The following PAX5 variants were observed in gnomAD, a reference collection of about 807,000 sequenced individuals.
PAX5 encodes paired box protein Pax-5.
A neutral mutation model predicts 43.7 loss-of-function variants in PAX5; 9 were observed. The observed-to-expected ratio is 0.21, with a 90% CI of 0.12 to 0.36. PAX5 has a LOEUF of 0.36. Among genes scored for constraint, PAX5 ranks in the 10% least tolerant of loss-of-function variants. The pLI is 1.00. For missense variants in PAX5, 383 were observed against 532.7 expected (o/e 0.72, Z 2.77); for synonymous variants, 228 against 214.3 (o/e 1.06, Z -0.56).
intron 7 of PAX5, among the ~76,000 whole-genome samples, chr9:36,890,737 AC>A (rs1827308113): frequency 6.6e-6 from 1 of 152,208 alleles, no homozygotes; most frequent in South Asian, 2.1e-4. Context: ...ACTCTTGCCC[AC>A]AGCATCAGAC....
chr9:37,002,284 A>T (rs949670475), intron 5 of PAX5, among the ~76,000 whole-genome samples: 1 of 152,016 alleles, frequency 6.6e-6, no homozygotes, highest in Admixed American at 6.5e-5. Context: ...TCCTCCACAA[A>T]GTGGACTTGG....
At chr9:36,958,200 G>A (rs1056752282) in intron 6 of PAX5, among the ~76,000 whole-genome samples, 2 of 152,078 alleles carry the variant, frequency 1.3e-5, no homozygotes, top group Non-Finnish European at 1.5e-5. Flanking sequence ...ACAACCTACT[G>A]CAGGGCCTCT....
At chr9:36,860,445 A>C (rs1358292212) in intron 8 of PAX5, among the ~76,000 whole-genome samples, 2 of 152,138 alleles carry the variant, frequency 1.3e-5, no homozygotes, top group Non-Finnish European at 2.9e-5. Flanking sequence ...AGATGGTAAT[A>C]TTTGTCGAAA....
intron 6 of PAX5, among the ~76,000 whole-genome samples, chr9:36,966,237 C>A (rs1053239057): frequency 6.6e-6 from 1 of 152,150 alleles, no homozygotes; most frequent in African/African-American, 2.4e-5. Flanking sequence ...TTACGTGGCC[C>A]GAAAGATCAT....
intron 8 of PAX5, chr9:36,856,679 G>A (rs759640015): frequency 8.5e-5 from 13 of 152,090 alleles, no homozygotes; most frequent in Non-Finnish European, 1.3e-4. Context: ...CTGGGACTAC[G>A]GGTTCACGCC....
Position 36,990,975 on chromosome 9 carries a change from C to T in PAX5, c.604+11673G>A, listed in dbSNP as rs10973157. Among the ~76,000 whole-genome samples, 149 of 152,134 alleles carry T rather than the reference C, an allele frequency of 9.8e-4. No individual in the cohort carries two copies. In the East Asian group the frequency reaches 0.027, roughly 27 times the overall value. ...AAATACAAAAATTAACCAGGCATGG[C>T]GGTTCATGCCTGTAGCCCCAGCTAC... is the stretch of plus-strand genomic sequence containing the variant. On this transcript the variant is annotated intron_variant, in intron 5 of 9. Coordinates refer to ENST00000358127, the MANE Select transcript of PAX5 (RefSeq NM_016734.3).
intron 5 of PAX5, among the ~76,000 whole-genome samples, chr9:36,982,302 A>C (rs975774503): frequency 3.3e-5 from 5 of 152,138 alleles, no homozygotes; most frequent in Non-Finnish European, 2.9e-5. Flanking sequence ...AATAAAAAAT[A>C]AAAAGAACAA....
intron 8 of PAX5, among the ~76,000 whole-genome samples, chr9:36,866,191 G>A (rs573964074): frequency 4.6e-5 from 7 of 152,364 alleles, no homozygotes; most frequent in South Asian, 2.1e-4. Context: ...ACCAGGGAGC[G>A]TTCGAGGCAG....
chr9:36,884,704 A>G (rs929844991), intron 7 of PAX5, among the ~76,000 whole-genome samples: 3 of 152,246 alleles, frequency 2.0e-5, no homozygotes, highest in Admixed American at 6.5e-5. Flanking sequence ...CCAAGATTAT[A>G]ATCAGCTGGA....
intron 5 of PAX5, among the ~76,000 whole-genome samples, chr9:36,970,718 T>TGGACACGGGCATTGTTCTCC (rs1264960742): frequency 5.3e-5 from 8 of 152,168 alleles, no homozygotes; most frequent in African/African-American, 1.9e-4. Context: ...CCATCTCCCA[T>TGGACACGGGCATTGTTCTCC]GGACACGGGC....
chr9:36,998,448 C>T (rs1285851416), intron 5 of PAX5, among the ~76,000 whole-genome samples: 2 of 152,224 alleles, frequency 1.3e-5, no homozygotes, highest in Non-Finnish European at 2.9e-5. Flanking sequence ...GGTCCCTCCA[C>T]TCACCCTCGT....
chr9:36,923,347 G>A lies in PAX5; in HGVS notation c.910+8C>T. On this transcript the variant is annotated splice_region_variant and intron_variant, in intron 7 of 9. Transcript: ENST00000358127. ...CTCACTCATCCCCCATGCCCCAGGT[G>A]CCCTCACCTGTCACAATGGGGTAGG... 1 of 1,608,786 alleles carries A rather than the reference G, an allele frequency of 6.2e-7. No individual in the cohort carries two copies. The highest frequency in any genetic ancestry group is 8.5e-7 in the Non-Finnish European group (1 of 1,177,586).
intron 1 of PAX5, among the ~76,000 whole-genome samples, chr9:37,025,104 C>G (rs1029150887): frequency 6.6e-6 from 1 of 152,346 alleles, no homozygotes; most frequent in African/African-American, 2.4e-5. Flanking sequence ...AGACTGGAAA[C>G]CGGTTGGGCG....
chr9:36,880,464 C>G (rs940880251), intron 8 of PAX5, among the ~76,000 whole-genome samples: 1 of 152,300 alleles, frequency 6.6e-6, no homozygotes, highest in Non-Finnish European at 1.5e-5. Context: ...GCCCTGCAGG[C>G]TCTCCCCAGT....
intron 7 of PAX5, 23 bp downstream of exon 7, chr9:36,923,332 C>A: frequency 6.2e-7 from 1 of 1,603,038 alleles, no homozygotes; most frequent in South Asian, 1.1e-5. Context: ...CTCACTCATC[C>A]CCCATGCCCC....
rs796273415 is a variant in PAX5, at chr9:36,834,677, T to C, written c.*5883A>G. The C allele has an allele frequency of 2.1e-5, 5 of 233,276 alleles. No individual in the cohort carries two copies. Among genetic ancestry groups the C allele is most frequent in the African/African-American group, 1.1e-4 (5 of 45,454 alleles). 14.5% of individuals were successfully genotyped at this position (233,276 alleles called of 1,614,324 possible). On this transcript the variant is annotated 3_prime_UTR_variant, in exon 10 of 10. Transcript: ENST00000358127. ...TGAAAAGAAGGGCGCCATTAAATGG[T>C]TTCCTTTCTGTTCCACTCCAAGGGA... is the stretch of plus-strand genomic sequence containing the variant.
chr9:37,026,656 G>T, intron 1 of PAX5: 1 of 1,348,146 alleles, frequency 7.4e-7, no homozygotes, highest in East Asian at 3.6e-5. Context: ...AGGGAGCCTC[G>T]CCACCAGGCC....
At chr9:36,852,186 C>G (rs942623957) in intron 8 of PAX5, among the ~76,000 whole-genome samples, 2 of 152,180 alleles carry the variant, frequency 1.3e-5, no homozygotes, top group African/African-American at 4.8e-5. Flanking sequence ...AGAACAAACT[C>G]AGAAATTCTG....
intron 5 of PAX5, among the ~76,000 whole-genome samples, chr9:36,973,931 C>G (rs1358046910): frequency 6.6e-6 from 1 of 152,110 alleles, no homozygotes; most frequent in Admixed American, 6.5e-5. Context: ...ACGTAGGAGG[C>G]GGAGGTTGTG....
Sources: allele counts gnomAD v4.1 joint callset (sites outside exome capture counted in the v4.1 genomes callset), GRCh38; gene constraint gnomAD v4.1.1; transcripts MANE v1.5; gene names NCBI Gene and HGNC (gene_info 2026-07-23, HGNC 2026-07-21).